The following PPM1H variants were observed in gnomAD, a reference collection of about 807,000 sequenced individuals.
The protein encoded by PPM1H is protein phosphatase, Mg2+/Mn2+ dependent 1H, also known as protein phosphatase 1H.
In PPM1H, 27 loss-of-function variants were observed where a neutral mutation model predicts 54.9. That is an observed-to-expected ratio of 0.49 (90% confidence interval 0.36 to 0.68). The LOEUF (loss-of-function observed/expected upper bound fraction) is 0.68, where lower values mean the gene tolerates loss of function less well. Ranked by LOEUF, PPM1H falls within the 30% of genes least tolerant of loss-of-function variation. PPM1H has a pLI of 0.00. For missense variants in PPM1H, 596 were observed against 667.8 expected (o/e 0.89, Z 1.19); for synonymous variants, 305 against 270.8 (o/e 1.13, Z -1.24).
chr12:62,785,693 G>A (rs943262396), intron 4 of PPM1H, among the ~76,000 whole-genome samples: 2 of 152,086 alleles, frequency 1.3e-5, no homozygotes, highest in African/African-American at 4.8e-5. Context: ...CTGGAAATTG[G>A]CACCTAAGTA....
At chr12:62,713,231 T>A (rs1195293789) in intron 6 of PPM1H, among the ~76,000 whole-genome samples, 1 of 152,104 alleles carries the variant, frequency 6.6e-6, no homozygotes, top group Non-Finnish European at 1.5e-5. Context: ...AGAATAAAGG[T>A]CACCCCAAAC....
chr12:62,727,555 C>G (rs1415871778), intron 5 of PPM1H, among the ~76,000 whole-genome samples: 1 of 151,518 alleles, frequency 6.6e-6, no homozygotes, highest in Non-Finnish European at 1.5e-5. Flanking sequence ...CTAAGAATAC[C>G]TAAATAATAA....
chr12:62,863,373 A>G (rs1234935932), intron 1 of PPM1H, among the ~76,000 whole-genome samples: 1 of 152,152 alleles, frequency 6.6e-6, no homozygotes, highest in Non-Finnish European at 1.5e-5. Context: ...ACCACACCCC[A>G]TTATTCACAA....
At chr12:62,736,000 C>T (rs942167968) in intron 5 of PPM1H, among the ~76,000 whole-genome samples, 1 of 152,100 alleles carries the variant, frequency 6.6e-6, no homozygotes. Flanking sequence ...GGGCAGGGGC[C>T]AGGATTCCAG....
At chr12:62,855,841 T>C (rs567483297) in intron 1 of PPM1H, among the ~76,000 whole-genome samples, 5 of 152,210 alleles carry the variant, frequency 3.3e-5, no homozygotes, top group Non-Finnish European at 7.3e-5. Flanking sequence ...TATCCATAAA[T>C]ATTCTTGAGC....
intron 5 of PPM1H, among the ~76,000 whole-genome samples, chr12:62,721,912 G>A (rs991007521): frequency 6.6e-6 from 1 of 152,092 alleles, no homozygotes; most frequent in African/African-American, 2.4e-5. Flanking sequence ...AGTGCTTTGA[G>A]AGTTCTAATT....
rs7955587 is a variant in PPM1H at position 62,750,271 on chromosome 12, C to T, written c.870-12685G>A. Among the ~76,000 whole-genome samples the T allele has an allele frequency of 7.0e-3, 1,069 of 152,282 alleles. 9 individuals carry two copies. Among genetic ancestry groups the T allele is most frequent in the African/African-American group, 0.025 (1,023 of 41,552 alleles). On this transcript the variant is annotated intron_variant, in intron 4 of 9. Transcript: ENST00000228705. ...CCCTATACCCTGTACTTTTTAGTAG[C>T]CACTCCCCATCTCTCCTTCGTTCTA...
intron 7 of PPM1H, among the ~76,000 whole-genome samples, chr12:62,691,088 T>C (rs954041719): frequency 6.6e-6 from 1 of 151,902 alleles, no homozygotes; most frequent in Admixed American, 6.6e-5. Flanking sequence ...ACATAGACAA[T>C]GGGTTATGCA....
intron 2 of PPM1H, among the ~76,000 whole-genome samples, chr12:62,827,368 C>T (rs1239192367): frequency 6.6e-6 from 1 of 152,134 alleles, no homozygotes; most frequent in Non-Finnish European, 1.5e-5. Context: ...GTCCCTTGCA[C>T]TGATCAGTGC....
intron 9 of PPM1H, among the ~76,000 whole-genome samples, chr12:62,664,640 T>A (rs543794770): frequency 1.3e-5 from 2 of 152,344 alleles, no homozygotes; most frequent in African/African-American, 4.8e-5. Context: ...ACATTCTTAT[T>A]ACTGTTTTAT....
intron 1 of PPM1H, among the ~76,000 whole-genome samples, chr12:62,927,687 G>T (rs1442201537): frequency 2.0e-5 from 3 of 149,454 alleles, no homozygotes; most frequent in African/African-American, 4.9e-5. Flanking sequence ...AAAAGAAAAA[G>T]AAAAAAGAAA....
intron 6 of PPM1H, among the ~76,000 whole-genome samples, chr12:62,700,016 G>A (rs1012960053): frequency 6.6e-6 from 1 of 152,066 alleles, no homozygotes; most frequent in Admixed American, 6.6e-5. Flanking sequence ...CTAGGCTGAG[G>A]CTCTCTCACT....
chr12:62,786,150 G>A (rs1018300399), intron 4 of PPM1H, among the ~76,000 whole-genome samples: 4 of 152,298 alleles, frequency 2.6e-5, no homozygotes, highest in African/African-American at 2.4e-5. Flanking sequence ...TCATCCACTC[G>A]GTCTTACTCA....
rs373246673 is a variant in PPM1H, at chr12:62,801,792, C to T, written c.756+24G>A. The T allele has an allele frequency of 8.7e-5, 140 of 1,611,300 alleles. No individual in the cohort carries two copies. In the African/African-American group the frequency reaches 1.6e-3, roughly 18 times the overall value. On this transcript the variant is annotated intron_variant, in intron 3 of 9. Transcript: ENST00000228705. Reference sequence around the variant, plus strand: ...CGCAGGCGCCAGCCTGGCCCTGCTGCCCCAGACTCCCAGGAATACCTACCA... The same window carrying T: ...CGCAGGCGCCAGCCTGGCCCTGCTGTCCCAGACTCCCAGGAATACCTACCA...
intron 5 of PPM1H, among the ~76,000 whole-genome samples, chr12:62,722,702 T>C (rs577161076): frequency 6.6e-6 from 1 of 152,292 alleles, no homozygotes; most frequent in South Asian, 2.1e-4. Context: ...ATTAAATAAC[T>C]AGAAGAAATC....
chr12:62,673,415 G>A (rs1238249525), intron 8 of PPM1H, among the ~76,000 whole-genome samples: 2 of 152,114 alleles, frequency 1.3e-5, no homozygotes, highest in Non-Finnish European at 2.9e-5. Flanking sequence ...CATGTTAGGA[G>A]GGCTCATACA....
chr12:62,884,090 A>C (rs565109375), intron 1 of PPM1H, among the ~76,000 whole-genome samples: 5 of 152,300 alleles, frequency 3.3e-5, no homozygotes, highest in African/African-American at 1.2e-4. Context: ...ACTTGAACTC[A>C]AATGTTCAGA....
At chr12:62,749,513 AAGC>A (rs1364063735) in intron 4 of PPM1H, among the ~76,000 whole-genome samples, 2 of 152,208 alleles carry the variant, frequency 1.3e-5, no homozygotes, top group African/African-American at 4.8e-5. Context: ...TTGGGAAAGA[AAGC>A]AGGGCAGCTG....
At chr12:62,840,998 C>A (rs1868725466) in intron 1 of PPM1H, among the ~76,000 whole-genome samples, 1 of 151,100 alleles carries the variant, frequency 6.6e-6, no homozygotes, top group South Asian at 2.1e-4. Context: ...GGCGAATGAA[C>A]CGAGAAGTCC....
Sources: gnomAD v4.1 joint callset for allele counts (sites outside exome capture counted in the v4.1 genomes callset) on GRCh38, gnomAD v4.1.1 for gene constraint, MANE v1.5 for transcripts, NCBI Gene and HGNC (gene_info 2026-07-23, HGNC 2026-07-21) for gene names.